MACF1: variants seen among roughly 807,000 people sequenced by gnomAD.
The protein encoded by MACF1 is microtubule-actin cross-linking factor 1.
MACF1 carries 193 observed loss-of-function variants against 854.8 expected under a neutral mutation model. The observed-to-expected ratio is 0.23, with a 90% CI of 0.20 to 0.25. The LOEUF (loss-of-function observed/expected upper bound fraction) is 0.25, where lower values mean the gene tolerates loss of function less well. MACF1 is among the 10% of genes least tolerant of loss of function. The pLI is 1.00. For missense variants in MACF1, 7,722 were observed against 8,929.1 expected (o/e 0.86, Z 5.45); for synonymous variants, 3,185 against 3,226.7 (o/e 0.99, Z 0.44).
At chr1:39,446,157 G>A (rs1001902377) in intron 80 of MACF1, among the ~76,000 whole-genome samples, 1 of 152,106 alleles carries the variant, frequency 6.6e-6, no homozygotes, top group South Asian at 2.1e-4. Context: ...GAGTGTCAAG[G>A]ATAGTTTATT....
chr1:39,278,742 G>A (rs546483055), intron 6 of MACF1, among the ~76,000 whole-genome samples: 67 of 152,238 alleles, frequency 4.4e-4, no homozygotes, highest in African/African-American at 1.3e-3. Context: ...ATGTTAAGGG[G>A]AACTGAAATA....
rs1240202972 is a variant in MACF1 at position 39,331,394 on chromosome 1, C to G, written c.4806C>G (p.Asn1602Lys). ...NLSLEEGIAR[N>K]LINPQMYQQL... is the part of the protein sequence containing the mutation. ...CTTTGGAGGAGGGCATAGCCAGAAA[C>G]CTCATTAATCCCCAGATGTACCAGC... is the stretch of plus-strand genomic sequence containing the variant. Residue 1602 changes from asparagine (N) to lysine (K), a missense_variant, in exon 37 of 101, where the codon AAC becomes AAG. Coordinates refer to ENST00000564288, the MANE Select transcript of MACF1 (RefSeq NM_001394062.1). The G allele has an allele frequency of 1.9e-6, 3 of 1,613,896 alleles. No homozygotes were observed. The highest frequency in any genetic ancestry group is 2.5e-6 in the Non-Finnish European group (3 of 1,180,016).
intron 2 of MACF1, among the ~76,000 whole-genome samples, chr1:39,167,889 AGAG>A (rs1351314470): frequency 5.1e-4 from 4 of 7,778 alleles, no homozygotes; most frequent in Non-Finnish European, 8.8e-4. Flanking sequence ...AAAAAAAAAG[AGAG>A]AGAGAGAATT....
rs1459996062 is a variant in MACF1, at chr1:39,424,039, G to T, written c.16161G>T (p.Arg5387=). The change falls in exon 61 of 101, where the codon CGG becomes CGT. Residue 5387 remains arginine, a synonymous_variant. Transcript: ENST00000564288. ...AQIQEQKLLQ[R]LLDDRKATVD... ...TCTCTTTATAATAGTTGCTCCAGCG[G>T]CTCCTAGATGATCGAAAGGCCACAG... 5.0e-6 allele frequency: 8 copies of T among 1,611,086 alleles called. No homozygotes were observed. In the African/African-American group the frequency reaches 1.1e-4, roughly 22 times the overall value.
rs140978060 is a variant in MACF1 at position 39,331,789 on chromosome 1, C to T, written c.5201C>T (p.Ala1734Val). 140 of 1,614,076 alleles carry T rather than the reference C, an allele frequency of 8.7e-5. No individual in the cohort carries two copies. In the African/African-American group the frequency reaches 1.3e-3, roughly 15 times the overall value. ...AAATTACTGCCTGTCAAACAATTGG[C>T]AGGGGGGATGGTGAGCTTGAAATCA... ...GFKLLPVKQL[A>V]GGMVSLKSGR... Residue 1734 changes from alanine to valine, a missense_variant, in exon 37 of 101, where the codon GCA becomes GTA. By Grantham distance (64) the Ala-to-Val change is moderately conservative. Around this residue, in one of 15 missense-constraint regions of MACF1, gnomAD observed 1,531 missense variants for 1,601.6 expected, o/e 0.96. Transcript: ENST00000564288.
intron 49 of MACF1, among the ~76,000 whole-genome samples, chr1:39,367,420 A>T (rs907146632): frequency 7.9e-5 from 12 of 151,934 alleles, no homozygotes; most frequent in African/African-American, 2.9e-4. Flanking sequence ...GCTGGTCTTG[A>T]ACTCCTAGGC....
chr1:39,294,902 C>T (rs1349780784), intron 18 of MACF1, 144 bp from the exon 19 acceptor site: 6 of 574,042 alleles, frequency 1.0e-5, no homozygotes, highest in Admixed American at 3.1e-5. Context: ...CTGCAATCCT[C>T]TGGCATGCAC....
At chr1:39,158,557 T>C (rs1415337758) in intron 2 of MACF1, among the ~76,000 whole-genome samples, 1 of 152,228 alleles carries the variant, frequency 6.6e-6, no homozygotes, top group African/African-American at 2.4e-5. Context: ...AAATGTTAAA[T>C]GAGCCCCTGA....
intron 2 of MACF1, among the ~76,000 whole-genome samples, chr1:39,140,846 C>T (rs1335314805): frequency 2.4e-5 from 3 of 122,582 alleles, no homozygotes; most frequent in South Asian, 2.8e-4. Context: ...ACCCAGGAGG[C>T]GGAGGTTGCA....
At position 39,442,163 on chromosome 1, in the gene MACF1, T is replaced by A; in HGVS notation, c.18791T>A (p.Val6264Asp). 6.3e-7 allele frequency: 1 copy of A among 1,592,334 alleles called. No homozygotes were observed. Among genetic ancestry groups the A allele is most frequent in the Non-Finnish European group, 8.5e-7 (1 of 1,172,154 alleles). Residue 6264 changes from valine to aspartate, a missense_variant, in exon 76 of 101, where the codon GTT becomes GAT. This residue lies in a region of MACF1 where 2,807 missense variants were observed against 3,235.8 expected (regional missense o/e 0.87). Transcript: ENST00000564288. ...LNEMKEFKVE[V>D]YQQQIEMEKL... ...CTTTGACAGGAGTTCAAAGTAGAAG[T>A]TTACCAACAGCAAATTGAGATGGAG...
At chr1:39,449,552 C>A (rs1469962892) in intron 84 of MACF1, among the ~76,000 whole-genome samples, 1 of 152,030 alleles carries the variant, frequency 6.6e-6, no homozygotes, top group Non-Finnish European at 1.5e-5. Context: ...GCACCCGCCA[C>A]CACGCCTGGC....
Position 39,434,581 on chromosome 1 carries a change from C to G in MACF1, c.17733C>G (p.Pro5911=), listed in dbSNP as rs2148656224. The change falls in exon 69 of 101, where the codon CCC becomes CCG. Residue 5911 remains proline (P), a synonymous_variant. Coordinates refer to ENST00000564288, the MANE Select transcript of MACF1 (RefSeq NM_001394062.1). The part of the protein sequence containing the change: ...EETRALIAQL[P]SPAIDHEQLR... Reference sequence around the variant, plus strand: ...CTCGGGCACTAATAGCACAGTTACCCTCTCCAGCCATTGATCATGAGCAGC... The same window carrying G: ...CTCGGGCACTAATAGCACAGTTACCGTCTCCAGCCATTGATCATGAGCAGC... The G allele has an allele frequency of 6.2e-7, 1 of 1,614,130 alleles. No individual in the cohort carries two copies. Among genetic ancestry groups the G allele is most frequent in the Non-Finnish European group, 8.5e-7 (1 of 1,180,006 alleles).
intron 44 of MACF1, among the ~76,000 whole-genome samples, chr1:39,353,477 C>G (rs1459050344): frequency 6.6e-6 from 1 of 152,160 alleles, no homozygotes; most frequent in African/African-American, 2.4e-5. Context: ...ACTGATGTTT[C>G]CAGGTGTATC....
intron 96 of MACF1, 41 bp from the exon 97 acceptor site, chr1:39,469,506 G>A (rs1462406438): frequency 6.8e-7 from 1 of 1,460,784 alleles, no homozygotes; most frequent in African/African-American, 1.4e-5. Flanking sequence ...TGCGTTTCCT[G>A]CCCTGTCTGT....
In MACF1 at chr1:39,105,545, C is replaced by G; in HGVS notation, c.220+21107C>G. On this transcript the variant is annotated intron_variant, in intron 2 of 93. Coordinates refer to the MACF1 transcript ENST00000361689. The surrounding 1 kb of genome is among the most constrained non-coding windows in gnomAD (Gnocchi z 5.9). ...CTCTGAGACGCACAAAGGGTCGAGG[C>G]TGGGGCCGCCGCCGCCTCAGCGCGC... 9.4e-7 allele frequency: 1 copy of G among 1,065,046 alleles called. No homozygotes were observed. Among genetic ancestry groups the G allele is most frequent in the South Asian group, 2.5e-5 (1 of 39,672 alleles). 66.0% of individuals were successfully genotyped at this position (1,065,046 alleles called of 1,614,324 possible). A position where few individuals can be genotyped will look rare whatever the true frequency, so the allele number is the denominator to read the frequency against.
At chr1:39,347,834 A>G (rs1313075213) in intron 41 of MACF1, among the ~76,000 whole-genome samples, 1 of 151,782 alleles carries the variant, frequency 6.6e-6, no homozygotes, top group African/African-American at 2.4e-5. Context: ...TAGAAGCAGG[A>G]TGATACTAAA....
chr1:39,228,445 T>G (rs1045717023), intron 1 of MACF1, among the ~76,000 whole-genome samples: 3 of 152,160 alleles, frequency 2.0e-5, no homozygotes, highest in Non-Finnish European at 2.9e-5. Context: ...GTGATTTCGA[T>G]GAGACTATAG....
chr1:39,244,242 T>C (rs1472020051), intron 2 of MACF1, among the ~76,000 whole-genome samples: 2 of 151,700 alleles, frequency 1.3e-5, no homozygotes, highest in Non-Finnish European at 2.9e-5. Flanking sequence ...GTAGCTGGAA[T>C]GTAAGGCGCG....
chr1:39,453,998 T>C, intron 88 of MACF1, 148 bp downstream of exon 88: 1 of 1,011,554 alleles, frequency 9.9e-7, no homozygotes, highest in Non-Finnish European at 1.4e-6. Flanking sequence ...AAGACTGTTT[T>C]CTTGGTAATG....
Sources: allele counts gnomAD v4.1 joint callset (sites outside exome capture counted in the v4.1 genomes callset), GRCh38; gene constraint gnomAD v4.1.1; regional missense constraint gnomAD v4.1.1; non-coding constraint Gnocchi (gnomAD v3.1); transcripts MANE v1.5; gene names NCBI Gene and HGNC (gene_info 2026-07-23, HGNC 2026-07-21).